Variants in EMILIN2 observed in about 807,000 individuals in gnomAD.
The protein encoded by EMILIN2 is elastin microfibril interfacer 2.
Under a neutral mutation model 87.1 loss-of-function variants are expected in EMILIN2, and 71 were observed. That is an observed-to-expected ratio of 0.82 (90% CI 0.67 to 0.99). The LOEUF (loss-of-function observed/expected upper bound fraction) is 0.99, where lower values mean the gene tolerates loss of function less well. EMILIN2 is among the 50% of genes least tolerant of loss of function. The probability of loss-of-function intolerance (pLI) is 0.00; values close to 1 mark genes in which losing one functional copy is unlikely to be tolerated. For missense variants in EMILIN2, 1,407 were observed against 1,371.8 expected, an observed-to-expected ratio of 1.03 and a Z score of -0.40; for synonymous variants, 581 against 563.4, an observed-to-expected ratio of 1.03 and a Z score of -0.44.
rs1247135482 is a variant in EMILIN2 at position 2,913,194 on chromosome 18, G to A, written c.2952G>A (p.Gly984=). 9 of 1,614,032 alleles carry A rather than the reference G, an allele frequency of 5.6e-6. No individual in the cohort carries two copies. The South Asian group carries it at 6.6e-5, about 12-fold the overall frequency. The change falls in exon 8 of 8, where the codon GGG becomes GGA. Residue 984 remains glycine, a synonymous_variant. Coordinates refer to ENST00000254528, the MANE Select transcript of EMILIN2 (RefSeq NM_032048.3). ...NASVAQLHTA[G]YRREFLEYHR... ...GCGTGGCCCAGCTGCATACCGCTGG[G>A]TACAGGAGAGAGTTCCTGGAATACC...
At chr18:2,867,058 G>A (rs903613001) in intron 2 of EMILIN2, among the ~76,000 whole-genome samples, 3 of 152,082 alleles carry the variant, frequency 2.0e-5, no homozygotes, top group Non-Finnish European at 4.4e-5. Context: ...CACTTGATAT[G>A]GTGGCTTATC....
At position 2,882,620 on chromosome 18, in the gene EMILIN2, A is replaced by T. The variant is rs182451409; in HGVS notation, c.258-2344A>T. On this transcript the variant is annotated intron_variant, in intron 2 of 7. Transcript: ENST00000254528. ...AAATTGGCTGGGCACAGTGGCTCAC[A>T]CCTGTAATCCCAGCACTTTGGGGGC... 3.3e-3 allele frequency among the ~76,000 whole-genome samples: 499 copies of T among 152,064 alleles called. 2 individuals are homozygous for T. Among genetic ancestry groups the T allele is most frequent in the African/African-American group, 0.011 (464 of 41,494 alleles).
At chr18:2,886,835 C>A (rs1426952553) in intron 3 of EMILIN2, among the ~76,000 whole-genome samples, 1 of 152,050 alleles carries the variant, frequency 6.6e-6, no homozygotes, top group African/African-American at 2.4e-5. Context: ...TCTAAATGTC[C>A]CCTCCATATG....
intron 4 of EMILIN2, among the ~76,000 whole-genome samples, chr18:2,905,665 C>T (rs1249740809): frequency 3.3e-5 from 5 of 151,944 alleles, no homozygotes; most frequent in Admixed American, 6.6e-5. Context: ...GTGCAGCGGG[C>T]GATCTCGGCT....
At chr18:2,888,685 A>G (rs1435211281) in intron 3 of EMILIN2, among the ~76,000 whole-genome samples, 1 of 149,502 alleles carries the variant, frequency 6.7e-6, no homozygotes, top group Non-Finnish European at 1.5e-5. Context: ...ACTGCACTCC[A>G]GCCTGGGCAA....
intron 2 of EMILIN2, 71 bp from the exon 3 acceptor site, chr18:2,884,893 T>C: frequency 6.7e-7 from 1 of 1,491,456 alleles, no homozygotes; most frequent in Non-Finnish European, 9.0e-7. Flanking sequence ...GTCCTCTTTA[T>C]TTGGGTCTAG....
chr18:2,906,626 G>A (rs1330013765), intron 4 of EMILIN2, 157 bp from the exon 5 acceptor site: 3 of 540,618 alleles, frequency 5.5e-6, no homozygotes, highest in Admixed American at 4.6e-5. Flanking sequence ...AGATGCGGGC[G>A]GACGCCCGTG....
chr18:2,863,503 T>G (rs1169934653), intron 2 of EMILIN2, among the ~76,000 whole-genome samples: 5 of 152,016 alleles, frequency 3.3e-5, no homozygotes, highest in Admixed American at 1.3e-4. Flanking sequence ...GGAGCAGGTT[T>G]TTCAGTTTCC....
rs757790151 is a variant in EMILIN2, at chr18:2,908,957, C to T, written c.2677C>T (p.Pro893Ser). ...CTGTTTTTCAGGATACCCGAAGTCACCTCCTGTAGCTTCCCCAGGTATGTC... is the reference window on the plus strand; with the variant it reads ...CTGTTTTTCAGGATACCCGAAGTCATCTCCTGTAGCTTCCCCAGGTATGTC... The part of the protein sequence containing the change: ...FAGAPGYPKS[P>S]PVASPGAPVP... Residue 893 changes from proline to serine, a missense_variant, in exon 6 of 8, where the codon CCT (proline) becomes TCT (serine). By Grantham distance (74) the Pro-to-Ser change is moderately conservative. Transcript: ENST00000254528. 1.2e-6 allele frequency: 2 copies of T among 1,613,532 alleles called. No homozygotes were observed. Among genetic ancestry groups the T allele is most frequent in the South Asian group, 1.1e-5 (1 of 91,056 alleles).
chr18:2,907,511 A>G (rs1176186431), intron 5 of EMILIN2, among the ~76,000 whole-genome samples: 4 of 152,236 alleles, frequency 2.6e-5, no homozygotes, highest in Non-Finnish European at 4.4e-5. Flanking sequence ...TCTGAGCTGC[A>G]GTTCCTTCAA....
chr18:2,856,763 T>C (rs1042077079), intron 2 of EMILIN2, among the ~76,000 whole-genome samples: 7 of 152,232 alleles, frequency 4.6e-5, no homozygotes, highest in African/African-American at 1.7e-4. Flanking sequence ...AGTAGTTTTC[T>C]GGGCTTAAAA....
intron 5 of EMILIN2, 107 bp downstream of exon 5, chr18:2,907,192 G>A: frequency 8.7e-7 from 1 of 1,151,442 alleles, no homozygotes; most frequent in Non-Finnish European, 1.1e-6. Context: ...AGCCTTCGGG[G>A]GGGCAAGTTC....
chr18:2,899,541 G>T (rs2076879011), intron 4 of EMILIN2, among the ~76,000 whole-genome samples: 1 of 151,924 alleles, frequency 6.6e-6, no homozygotes, highest in African/African-American at 2.4e-5. Flanking sequence ...GTCTTGCTCT[G>T]TCACCCAGGC....
chr18:2,847,356 C>T lies in EMILIN2; in HGVS notation c.134+34C>T. On this transcript the variant is annotated intron_variant, in intron 1 of 7. Transcript: ENST00000254528. The surrounding 1 kb of genome is among the most constrained non-coding windows in gnomAD (Gnocchi z 4.5). ...GCGCCCCTTGGCTGGCCCCAAACCG[C>T]CTACCCCTCCCCGGCCCCCAGTTGA... is the stretch of plus-strand genomic sequence containing the variant. 1.6e-6 allele frequency: 2 copies of T among 1,289,436 alleles called. No individual in the cohort carries two copies. Among genetic ancestry groups the T allele is most frequent in the Non-Finnish European group, 2.0e-6 (2 of 1,019,304 alleles). The allele number at this position is 1,289,436 out of a possible 1,614,324, so 79.9% of individuals were successfully genotyped here. A position where few individuals can be genotyped will look rare whatever the true frequency, so the allele number is the denominator to read the frequency against.
At position 2,905,299 on chromosome 18, in the gene EMILIN2, G is replaced by GT. The variant is rs1568484108; in HGVS notation, c.2360-1484_2360-1483insT. ...CTGGCAACCTGCCTCTGTGGGTGGG[G>GT]CGGGGGGGGGGCATGTATTTGATCT... On this transcript the variant is annotated intron_variant, in intron 4 of 7. Coordinates refer to ENST00000254528, the MANE Select transcript of EMILIN2 (RefSeq NM_032048.3). Among the ~76,000 whole-genome samples the GT allele has an allele frequency of 6.8e-5, 5 of 73,978 alleles. No individual in the cohort carries two copies. The East Asian group carries it at 2.2e-3, about 32-fold the overall frequency. The allele number at this position is 73,978 out of a possible 152,430, so 48.5% of individuals were successfully genotyped here.
Position 2,847,036 on chromosome 18 carries a change from G to A in EMILIN2, c.-153G>A. 9.5e-7 allele frequency: 1 copy of A among 1,056,648 alleles called. No homozygotes were observed. The allele number at this position is 1,056,648 out of a possible 1,614,324, so 65.5% of individuals were successfully genotyped here. ...GAGAAGTAGGAACGAGAAGCCGGAG[G>A]GGGCGGCCGCGGAGCACTGGTTGGA... On this transcript the variant is annotated 5_prime_UTR_variant, in exon 1 of 8. Transcript: ENST00000254528. This position sits in a 1 kb window ranked among gnomAD's most constrained non-coding sequence, Gnocchi z 4.5.
chr18:2,890,695 A>G lies in EMILIN2; in HGVS notation c.568A>G (p.Lys190Glu), dbSNP rs2076830516. The G allele has an allele frequency of 6.2e-7, 1 of 1,614,120 alleles. No individual in the cohort carries two copies. The highest frequency in any genetic ancestry group is 1.1e-5 in the South Asian group (1 of 91,080). The change falls in exon 4 of 8, where the codon AAG becomes GAG. Residue 190 changes from lysine to glutamate, a missense_variant. Coordinates refer to ENST00000254528, the MANE Select transcript of EMILIN2 (RefSeq NM_032048.3). The surrounding 1 kb of genome is among the most constrained non-coding windows in gnomAD (Gnocchi z 4.7). ...AAAGAAGATACAGGTGCTAGAGGAG[A>G]AGGTTCTTCGACTCACAAGGACGGT... ...QEKKIQVLEE[K>E]VLRLTRTVLD... is the part of the protein sequence containing the mutation.
intron 2 of EMILIN2, among the ~76,000 whole-genome samples, chr18:2,859,775 T>A (rs1436221403): frequency 6.6e-6 from 1 of 152,196 alleles, no homozygotes; most frequent in Non-Finnish European, 1.5e-5. Context: ...TCCAGTTTCA[T>A]TCTTCTACAT....
At chr18:2,868,627 C>G (rs892364718) in intron 2 of EMILIN2, among the ~76,000 whole-genome samples, 6 of 152,228 alleles carry the variant, frequency 3.9e-5, no homozygotes, top group African/African-American at 7.2e-5. Flanking sequence ...AACCCCGTCT[C>G]CACCAAAAAA....
Sources: allele counts gnomAD v4.1 joint callset (sites outside exome capture counted in the v4.1 genomes callset), GRCh38; gene constraint gnomAD v4.1.1; non-coding constraint Gnocchi (gnomAD v3.1); transcripts MANE v1.5; gene names NCBI Gene and HGNC (gene_info 2026-07-23, HGNC 2026-07-21).